OPCML: variants seen among roughly 807,000 people sequenced by gnomAD.
The protein encoded by OPCML is opioid-binding protein/cell adhesion molecule.
In OPCML, 13 loss-of-function variants were observed where a neutral mutation model predicts 37.8. The ratio of observed to expected loss-of-function variants is 0.34; its 90% CI spans 0.22 to 0.55. The LOEUF is 0.55. Among genes scored for constraint, OPCML ranks in the 20% least tolerant of loss-of-function variants. The pLI is 0.91. For missense variants in OPCML, 341 were observed against 435.6 expected, an observed-to-expected ratio of 0.78 and a Z score of 1.93; for synonymous variants, 176 against 168.8, an observed-to-expected ratio of 1.04 and a Z score of -0.33.
At chr11:132,569,870 T>C (rs1442246794) in intron 3 of OPCML, among the ~76,000 whole-genome samples, 1 of 151,090 alleles carries the variant, frequency 6.6e-6, no homozygotes, top group African/African-American at 2.4e-5. Flanking sequence ...AGAGGGAGGA[T>C]AAAATACAAA....
chr11:132,855,506 T>G (rs1942019318), intron 2 of OPCML, among the ~76,000 whole-genome samples: 1 of 152,250 alleles, frequency 6.6e-6, no homozygotes, highest in Admixed American at 6.5e-5. Flanking sequence ...GCAGCAGGCA[T>G]GAAGACCACT....
intron 2 of OPCML, among the ~76,000 whole-genome samples, chr11:132,900,450 G>A (rs1170363770): frequency 1.3e-5 from 2 of 152,134 alleles, no homozygotes; most frequent in East Asian, 3.9e-4. Context: ...ATCCCAAAGG[G>A]TCTCCAGGTG....
At chr11:133,275,176 G>C (rs184785550) in intron 1 of OPCML, among the ~76,000 whole-genome samples, 2 of 152,120 alleles carry the variant, frequency 1.3e-5, no homozygotes, top group Non-Finnish European at 2.9e-5. Flanking sequence ...AGCCTACCTG[G>C]GTTGAGCCAA....
chr11:132,595,190 G>A lies in OPCML; in HGVS notation c.379+61897C>T, dbSNP rs549775494. ...AGCTGAGAAAAAGGTGGTACATCAG[G>A]AAAGGGGAGGGGGAGGTCGGGGAGG... On this transcript the variant is annotated intron_variant, in intron 3 of 7. Coordinates refer to ENST00000524381, the MANE Select transcript of OPCML (RefSeq NM_001012393.5). 2.0e-5 allele frequency among the ~76,000 whole-genome samples: 3 copies of A among 152,228 alleles called. No individual in the cohort carries two copies. In the South Asian group the frequency reaches 6.2e-4, roughly 32 times the overall value.
chr11:132,996,349 G>A (rs1946884663), intron 1 of OPCML, among the ~76,000 whole-genome samples: 1 of 152,026 alleles, frequency 6.6e-6, no homozygotes, highest in South Asian at 2.1e-4. Flanking sequence ...GCTGGGTACA[G>A]TGGCTCATGC....
intron 2 of OPCML, among the ~76,000 whole-genome samples, chr11:132,922,055 T>C (rs1944825093): frequency 6.6e-6 from 1 of 151,990 alleles, no homozygotes; most frequent in South Asian, 2.1e-4. Flanking sequence ...AATTTTTGTA[T>C]TTTTAGTAGA....
At chr11:133,118,395 T>C in intron 1 of OPCML, 6 of 985,404 alleles carry the variant, frequency 6.1e-6, no homozygotes, top group Non-Finnish European at 7.2e-6. Flanking sequence ...TCTTTCTCTG[T>C]GTCAGGGCTG....
chr11:133,038,327 C>T (rs1363894916), intron 1 of OPCML, among the ~76,000 whole-genome samples: 1 of 152,230 alleles, frequency 6.6e-6, no homozygotes, highest in African/African-American at 2.4e-5. Context: ...CTTTTCCTCA[C>T]CCTTCCTTTC....
chr11:133,481,759 A>C (rs1947377104), intron 1 of OPCML, among the ~76,000 whole-genome samples: 4 of 152,194 alleles, frequency 2.6e-5, no homozygotes, highest in Admixed American at 2.6e-4. Context: ...GTTAAATGAA[A>C]TAATGTGCAG....
chr11:133,462,643 C>A (rs1946883352), intron 1 of OPCML, among the ~76,000 whole-genome samples: 1 of 152,022 alleles, frequency 6.6e-6, no homozygotes, highest in Non-Finnish European at 1.5e-5. Flanking sequence ...TCTCTTCATG[C>A]CCTTTAATAT....
At chr11:132,775,299 G>A (rs1946774206) in intron 2 of OPCML, among the ~76,000 whole-genome samples, 1 of 152,182 alleles carries the variant, frequency 6.6e-6, no homozygotes, top group Non-Finnish European at 1.5e-5. Context: ...AGGTTTGCTT[G>A]CTTATTGAGT....
intron 2 of OPCML, among the ~76,000 whole-genome samples, chr11:132,782,917 G>GTGTGTATATATA (rs376141259): frequency 5.3e-4 from 66 of 125,076 alleles, no homozygotes; most frequent in African/African-American, 1.8e-3. Flanking sequence ...TATAGTGTGT[G>GTGTGTATATATA]TATATATATA....
chr11:133,495,569 T>G (rs12269873), intron 1 of OPCML, among the ~76,000 whole-genome samples: 14,371 of 151,908 alleles, frequency 0.095, 1,042 homozygotes, highest in African/African-American at 0.2. Context: ...GCATCTACCG[T>G]TTTTTGATTT....
intron 2 of OPCML, among the ~76,000 whole-genome samples, chr11:132,828,151 T>A (rs1940471535): frequency 1.3e-5 from 2 of 151,872 alleles, no homozygotes; most frequent in South Asian, 4.1e-4. Flanking sequence ...AAAATGAAAA[T>A]CATATACTAT....
At chr11:132,625,879 T>C (rs569609018) in intron 3 of OPCML, among the ~76,000 whole-genome samples, 2 of 152,240 alleles carry the variant, frequency 1.3e-5, no homozygotes, top group African/African-American at 4.8e-5. Context: ...GCTAGCCATT[T>C]TGAAATGCCT....
chr11:132,423,278 C>T (rs1334845868), intron 7 of OPCML, among the ~76,000 whole-genome samples: 1 of 152,174 alleles, frequency 6.6e-6, no homozygotes, highest in African/African-American at 2.4e-5. Flanking sequence ...TTTGTCGTAT[C>T]AAATGCCATA....
chr11:132,480,338 GA>G (rs2096175101), intron 4 of OPCML, among the ~76,000 whole-genome samples: 1 of 152,132 alleles, frequency 6.6e-6, no homozygotes, highest in Non-Finnish European at 1.5e-5. Context: ...AAAAAGAAAC[GA>G]GTAAAGCCTT....
intron 1 of OPCML, among the ~76,000 whole-genome samples, chr11:133,304,256 T>A (rs2226647): frequency 0.3 from 45,288 of 152,042 alleles, 8,026 homozygotes; most frequent in East Asian, 0.69. Flanking sequence ...GCCCCTTAAT[T>A]GTAGGATAAC....
At chr11:133,317,854 AT>A (rs1943241665) in intron 1 of OPCML, among the ~76,000 whole-genome samples, 1 of 152,224 alleles carries the variant, frequency 6.6e-6, no homozygotes, top group Non-Finnish European at 1.5e-5. Context: ...TTAGCCTCAA[AT>A]TGTAAGCTCA....
Sources: gnomAD v4.1 joint callset for allele counts (sites outside exome capture counted in the v4.1 genomes callset) on GRCh38, gnomAD v4.1.1 for gene constraint, MANE v1.5 for transcripts, NCBI Gene and HGNC (gene_info 2026-07-23, HGNC 2026-07-21) for gene names.